Variants in CRYBG1 observed in about 807,000 individuals in gnomAD.
CRYBG1 encodes the protein beta/gamma crystallin domain-containing protein 1.
A neutral mutation model predicts 189.2 loss-of-function variants in CRYBG1; 139 were observed. The ratio of observed to expected loss-of-function variants is 0.73; its 90% CI spans 0.64 to 0.85. The LOEUF (loss-of-function observed/expected upper bound fraction) is 0.85. Among genes scored for constraint, CRYBG1 ranks in the 40% least tolerant of loss-of-function variants. The probability of loss-of-function intolerance (pLI) is 0.00; values close to 1 mark genes in which losing one functional copy is unlikely to be tolerated. For missense variants in CRYBG1, 2,611 were observed against 2,675.8 expected, an observed-to-expected ratio of 0.98 and a Z score of 0.53; for synonymous variants, 1,023 against 1,017.1, an observed-to-expected ratio of 1.01 and a Z score of -0.11.
Position 106,473,169 on chromosome 6 carries a change from T to C in CRYBG1, c.312+21337T>C, listed in dbSNP as rs1237409621. Among the ~76,000 whole-genome samples, 4 of 152,314 alleles carry C rather than the reference T, an allele frequency of 2.6e-5. No individual in the cohort carries two copies. The East Asian group carries it at 7.7e-4, about 29-fold the overall frequency. On this transcript the variant is annotated intron_variant, in intron 2 of 21. Transcript: ENST00000633556. ...AAGATGCCCTCTCCAATTTTAACTATTCTTTTTCTTCTTAATTATTATAGA... is the reference window on the plus strand; with the variant it reads ...AAGATGCCCTCTCCAATTTTAACTACTCTTTTTCTTCTTAATTATTATAGA...
At chr6:106,394,020 G>A (rs896017885) in intron 1 of CRYBG1, among the ~76,000 whole-genome samples, 8 of 152,084 alleles carry the variant, frequency 5.3e-5, no homozygotes, top group African/African-American at 1.9e-4. Context: ...CTGAGCAATA[G>A]CACTTTTATC....
At chr6:106,424,495 C>T (rs1333811170) in intron 1 of CRYBG1, among the ~76,000 whole-genome samples, 2 of 152,020 alleles carry the variant, frequency 1.3e-5, no homozygotes, top group East Asian at 1.9e-4. Context: ...GATTTTTACT[C>T]TTGTCACCCA....
At chr6:106,445,025 A>C (rs888605860) in intron 1 of CRYBG1, among the ~76,000 whole-genome samples, 1 of 152,208 alleles carries the variant, frequency 6.6e-6, no homozygotes, top group Non-Finnish European at 1.5e-5. Context: ...CAAAGTGCCC[A>C]GGAAGGTGAA....
At chr6:106,394,153 C>T (rs1770560657) in intron 1 of CRYBG1, among the ~76,000 whole-genome samples, 3 of 152,178 alleles carry the variant, frequency 2.0e-5, no homozygotes, top group Admixed American at 2.0e-4. Flanking sequence ...ACACTTGATT[C>T]AGGTGCCCTG....
At chr6:106,567,421 C>T (rs965807520) in intron 21 of CRYBG1, among the ~76,000 whole-genome samples, 4 of 152,162 alleles carry the variant, frequency 2.6e-5, no homozygotes, top group African/African-American at 4.8e-5. Flanking sequence ...AGAGAAGAGA[C>T]GATTTCCTTC....
At chr6:106,455,770 T>C (rs1345757103) in intron 2 of CRYBG1, among the ~76,000 whole-genome samples, 2 of 152,006 alleles carry the variant, frequency 1.3e-5, no homozygotes, top group African/African-American at 4.8e-5. Flanking sequence ...AAAAAGGTTT[T>C]TTGCTTTAAC....
intron 1 of CRYBG1, among the ~76,000 whole-genome samples, chr6:106,381,960 A>C (rs1770297871): frequency 6.6e-6 from 1 of 152,190 alleles, no homozygotes; most frequent in Non-Finnish European, 1.5e-5. Flanking sequence ...TGGTGCACCA[A>C]GGGAAGATAG....
chr6:106,406,610 G>A (rs1770831134), intron 1 of CRYBG1, among the ~76,000 whole-genome samples: 1 of 152,150 alleles, frequency 6.6e-6, no homozygotes, highest in Non-Finnish European at 1.5e-5. Context: ...TTGAAATGAA[G>A]GAAAAAATGT....
At chr6:106,530,374 A>T in intron 8 of CRYBG1, 59 bp downstream of exon 8, 6 of 1,492,256 alleles carry the variant, frequency 4.0e-6, no homozygotes, top group Non-Finnish European at 5.4e-6. Flanking sequence ...GTAGTACTGG[A>T]AAAAGAGGAC....
chr6:106,419,058 C>A (rs1771078560), intron 1 of CRYBG1, among the ~76,000 whole-genome samples: 1 of 152,172 alleles, frequency 6.6e-6, no homozygotes, highest in Non-Finnish European at 1.5e-5. Flanking sequence ...ATGTTGTCTG[C>A]CCCTTACTGT....
At chr6:106,437,647 G>T (rs984357227) in intron 1 of CRYBG1, among the ~76,000 whole-genome samples, 1 of 152,142 alleles carries the variant, frequency 6.6e-6, no homozygotes, top group African/African-American at 2.4e-5. Context: ...ATGTTGCCCA[G>T]GCCGGTTTTG....
At chr6:106,361,973 T>C (rs9399984) in intron 1 of CRYBG1, among the ~76,000 whole-genome samples, 63 of 19,734 alleles carry the variant, frequency 3.2e-3, no homozygotes, top group East Asian at 0.01. Context: ...TTCTTTCTTT[T>C]TTTTTTTTTT....
rs1341937937 is a variant in CRYBG1 at position 106,360,969 on chromosome 6, A to T, written c.61A>T (p.Lys21Ter). ...PGEPSPCRPPKKHTTFHLWRS... is the reference protein window; with the variant it reads ...PGEPSPCRPP ...GGAGCCCAGCCCGTGCAGGCCCCCT[A>T]AGAAGCACACCACCTTCCACCTCTG... The change falls in exon 1 of 22, where the codon AAG becomes TAG. Residue 21 changes from lysine to a stop codon, truncating the protein, a stop_gained. Transcript: ENST00000633556. LOFTEE classifies it high-confidence loss of function. The T allele has an allele frequency of 3.3e-6, 5 of 1,535,132 alleles. No individual in the cohort carries two copies. Among genetic ancestry groups the T allele is most frequent in the South Asian group, 1.2e-5 (1 of 84,050 alleles).
chr6:106,498,899 G>T (rs1209537669), intron 2 of CRYBG1, among the ~76,000 whole-genome samples: 1 of 151,178 alleles, frequency 6.6e-6, no homozygotes, highest in Non-Finnish European at 1.5e-5. Flanking sequence ...AAATATAGAG[G>T]TATATTTATT....
intron 2 of CRYBG1, among the ~76,000 whole-genome samples, chr6:106,501,893 T>G (rs929440733): frequency 5.9e-5 from 9 of 152,242 alleles, no homozygotes; most frequent in African/African-American, 1.9e-4. Context: ...AAATCCACAC[T>G]TACAAACATG....
chr6:106,491,889 CA>C (rs1226496792), intron 2 of CRYBG1, among the ~76,000 whole-genome samples: 1 of 152,190 alleles, frequency 6.6e-6, no homozygotes, highest in Non-Finnish European at 1.5e-5. Flanking sequence ...CGAGATCAAT[CA>C]TACTTATTCA....
In CRYBG1 at chr6:106,379,100, G is replaced by T. The variant is rs1402899112; in HGVS notation, c.173+18019G>T. On this transcript the variant is annotated intron_variant, in intron 1 of 21. Coordinates refer to ENST00000633556, the MANE Select transcript of CRYBG1 (RefSeq NM_001371242.2). Reference sequence around the variant, plus strand: ...GGAGGCAGAGGTTGCAGTGAGTTGAGATCGCGCCACTGCATTTCAGCCTGG... The same window carrying T: ...GGAGGCAGAGGTTGCAGTGAGTTGATATCGCGCCACTGCATTTCAGCCTGG... Among the ~76,000 whole-genome samples the T allele has an allele frequency of 3.9e-5, 6 of 152,218 alleles. No individual in the cohort carries two copies. In the East Asian group the frequency reaches 1.2e-3, roughly 30 times the overall value.
At chr6:106,486,106 TC>T (rs1772587767) in intron 2 of CRYBG1, among the ~76,000 whole-genome samples, 1 of 152,214 alleles carries the variant, frequency 6.6e-6, no homozygotes, top group Non-Finnish European at 1.5e-5. Flanking sequence ...GCTATGAACT[TC>T]CCTTTTAGAA....
At chr6:106,498,305 A>G (rs1772900573) in intron 2 of CRYBG1, among the ~76,000 whole-genome samples, 1 of 152,214 alleles carries the variant, frequency 6.6e-6, no homozygotes, top group Non-Finnish European at 1.5e-5. Flanking sequence ...ATTACTAGAC[A>G]TAATTCAAGA....
Sources: gnomAD v4.1 joint callset for allele counts (sites outside exome capture counted in the v4.1 genomes callset) on GRCh38, gnomAD v4.1.1 for gene constraint, MANE v1.5 for transcripts, NCBI Gene and HGNC (gene_info 2026-07-23, HGNC 2026-07-21) for gene names.